PMFBP1: variants seen among roughly 807,000 people sequenced by gnomAD.
PMFBP1 encodes the protein polyamine modulated factor 1 binding protein 1, also known as polyamine-modulated factor 1-binding protein 1.
A neutral mutation model predicts 137.8 loss-of-function variants in PMFBP1; 131 were observed. The ratio of observed to expected loss-of-function variants is 0.95; its 90% CI spans 0.82 to 1.10. The LOEUF (loss-of-function observed/expected upper bound fraction) is 1.10, where lower values mean the gene tolerates loss of function less well. Among genes scored for constraint, PMFBP1 ranks in the 50% least tolerant of loss-of-function variants. PMFBP1 has a pLI of 0.00. For missense variants in PMFBP1, 1,199 were observed against 1,175.4 expected (o/e 1.02, Z -0.29); for synonymous variants, 490 against 450.4 (o/e 1.09, Z -1.11).
chr16:72,175,862 G>A (rs1234896521), upstream of PMFBP1, among the ~76,000 whole-genome samples: 1 of 152,170 alleles, frequency 6.6e-6, no homozygotes, highest in East Asian at 1.9e-4. Context: ...AAAAATGTGT[G>A]AGCCCCATGA....
the PMFBP1 span, among the ~76,000 whole-genome samples, chr16:72,245,797 C>T: frequency 6.6e-6 from 1 of 152,178 alleles, no homozygotes; most frequent in South Asian, 2.1e-4. Flanking sequence ...TCTCTCTCTC[C>T]TTCACTCTCT....
At chr16:72,185,586 T>C in the PMFBP1 span, among the ~76,000 whole-genome samples, 1 of 152,156 alleles carries the variant, frequency 6.6e-6, no homozygotes, top group Non-Finnish European at 1.5e-5. Context: ...CCCTTCCTGA[T>C]CTGAACGTCC....
chr16:72,147,917 TTGG>T (rs2042837043), intron 5 of PMFBP1, among the ~76,000 whole-genome samples: 1 of 152,270 alleles, frequency 6.6e-6, no homozygotes, highest in Admixed American at 6.5e-5. Context: ...TTTTACACTG[TTGG>T]TGGGAGTGTA....
chr16:72,228,479 G>T, the PMFBP1 span, among the ~76,000 whole-genome samples: 1 of 152,156 alleles, frequency 6.6e-6, no homozygotes, highest in African/African-American at 2.4e-5. Flanking sequence ...GCTCCAGCCT[G>T]CTGAGACACT....
upstream of PMFBP1, among the ~76,000 whole-genome samples, chr16:72,180,413 A>G (rs2043272073): frequency 1.3e-5 from 2 of 152,008 alleles, no homozygotes; most frequent in South Asian, 4.2e-4. Flanking sequence ...TAAATCCAAC[A>G]TCATGTCTCA....
chr16:72,225,714 TAATAATAATAATA>T, the PMFBP1 span, among the ~76,000 whole-genome samples: 8 of 143,296 alleles, frequency 5.6e-5, no homozygotes, highest in Admixed American at 2.1e-4. Flanking sequence ...CTGTTTATAA[TAATAATAATAATA>T]ATAATAATAA....
chr16:72,133,056 G>A, intron 9 of PMFBP1, 65 bp from the exon 10 acceptor site: 6 of 1,572,208 alleles, frequency 3.8e-6, no homozygotes, highest in South Asian at 2.4e-5. Flanking sequence ...GCAATGAGAG[G>A]TTGTCTCAAG....
chr16:72,187,662 T>C, the PMFBP1 span, among the ~76,000 whole-genome samples: 1 of 152,226 alleles, frequency 6.6e-6, no homozygotes, highest in Admixed American at 6.5e-5. Flanking sequence ...TATTGTTATG[T>C]TGGAAAATAC....
the PMFBP1 span, among the ~76,000 whole-genome samples, chr16:72,242,298 A>G: frequency 6.6e-6 from 1 of 152,232 alleles, no homozygotes; most frequent in African/African-American, 2.4e-5. Flanking sequence ...CAAAGATCCA[A>G]TCATTTACTA....
chr16:72,233,465 A>AGAT, the PMFBP1 span, among the ~76,000 whole-genome samples: 1 of 152,206 alleles, frequency 6.6e-6, no homozygotes, highest in African/African-American at 2.4e-5. Context: ...TGCTTTGAAC[A>AGAT]GATTGAATGG....
intron 7 of PMFBP1, among the ~76,000 whole-genome samples, chr16:72,137,161 C>T (rs186084241): frequency 9.2e-5 from 14 of 152,300 alleles, no homozygotes; most frequent in African/African-American, 3.1e-4. Context: ...CAGGCTCACA[C>T]GGAATACACA....
the PMFBP1 span, among the ~76,000 whole-genome samples, chr16:72,205,072 T>C: frequency 6.6e-6 from 1 of 152,218 alleles, no homozygotes; most frequent in Non-Finnish European, 1.5e-5. Flanking sequence ...CAGGACACTC[T>C]GGATGCCATC....
chr16:72,151,930 C>T (rs537604910), intron 4 of PMFBP1, among the ~76,000 whole-genome samples: 1 of 152,210 alleles, frequency 6.6e-6, no homozygotes, highest in East Asian at 1.9e-4. Flanking sequence ...GGGGGGTTAA[C>T]GCCCTCAGGA....
intron 14 of PMFBP1, 45 bp from the exon 15 acceptor site, chr16:72,126,177 C>T (rs1410810949): frequency 6.3e-7 from 1 of 1,596,256 alleles, no homozygotes; most frequent in Middle Eastern, 1.8e-4. Flanking sequence ...AGGTCAGGGT[C>T]ATAGAGGCAT....
At chr16:72,249,761 A>C in the PMFBP1 span, among the ~76,000 whole-genome samples, 1 of 127,458 alleles carries the variant, frequency 7.8e-6, no homozygotes, top group African/African-American at 2.7e-5. Flanking sequence ...CTAAAAATAC[A>C]AAAAAAAAAA....
At chr16:72,247,689 T>A in the PMFBP1 span, among the ~76,000 whole-genome samples, 3 of 152,216 alleles carry the variant, frequency 2.0e-5, no homozygotes, top group Non-Finnish European at 4.4e-5. Flanking sequence ...CATTATTAAG[T>A]GACTTCATAT....
chr16:72,152,541 G>C (rs1197397976), intron 4 of PMFBP1, among the ~76,000 whole-genome samples: 1 of 151,968 alleles, frequency 6.6e-6, no homozygotes, highest in Non-Finnish European at 1.5e-5. Context: ...CCTTTTATCT[G>C]GATTATTTGG....
chr16:72,221,039 G>A, the PMFBP1 span, among the ~76,000 whole-genome samples: 8 of 152,168 alleles, frequency 5.3e-5, no homozygotes, highest in South Asian at 1.7e-3. Context: ...GAGCAAGGGT[G>A]GGGAAGGAGA....
chr16:72,221,465 G>A, the PMFBP1 span, among the ~76,000 whole-genome samples: 1 of 152,196 alleles, frequency 6.6e-6, no homozygotes, highest in Non-Finnish European at 1.5e-5. Flanking sequence ...CAGACGTGGA[G>A]ATTAGATTAG....
Sources: allele counts gnomAD v4.1 joint callset (sites outside exome capture counted in the v4.1 genomes callset), GRCh38; gene constraint gnomAD v4.1.1; transcripts MANE v1.5; gene names NCBI Gene and HGNC (gene_info 2026-07-23, HGNC 2026-07-21).